TSPEAR: variants seen among roughly 807,000 people sequenced by gnomAD.
TSPEAR encodes thrombospondin type laminin G domain and EAR repeats, also known as thrombospondin-type laminin G domain and EAR repeat-containing protein.
Under a neutral mutation model 71.6 loss-of-function variants are expected in TSPEAR, and 69 were observed. The ratio of observed to expected loss-of-function variants is 0.96; its 90% CI spans 0.79 to 1.18. The LOEUF (loss-of-function observed/expected upper bound fraction) is 1.18. Among genes scored for constraint, TSPEAR ranks in the 50% most tolerant of loss-of-function variants. The probability of loss-of-function intolerance (pLI) is 0.00; values close to 1 mark genes in which losing one functional copy is unlikely to be tolerated. For missense variants in TSPEAR, 971 were observed against 894.9 expected, an observed-to-expected ratio of 1.09 and a Z score of -1.09; for synonymous variants, 402 against 387.2, an observed-to-expected ratio of 1.04 and a Z score of -0.45.
intron 2 of TSPEAR, chr21:44,539,160 G>A (rs1438696484): frequency 1.7e-5 from 24 of 1,388,412 alleles, no homozygotes; most frequent in Non-Finnish European, 2.3e-5. Context: ...TGGGAGCAAG[G>A]AGGGGGGGTC....
intron 2 of TSPEAR, chr21:44,540,030 G>A (rs112631451): frequency 6.2e-7 from 1 of 1,613,038 alleles, no homozygotes; most frequent in Admixed American, 1.7e-5. Context: ...GTCAGGCAGG[G>A]GGCCGGGGCG....
chr21:44,517,372 A>G (rs587628141), intron 9 of TSPEAR: 3 of 178,914 alleles, frequency 1.7e-5, no homozygotes, highest in Middle Eastern at 2.3e-3. Context: ...GGGTCATATG[A>G]CCAGCACTAG....
chr21:44,680,524 C>T (rs1225677385), intron 1 of TSPEAR, among the ~76,000 whole-genome samples: 1 of 152,120 alleles, frequency 6.6e-6, no homozygotes, highest in Non-Finnish European at 1.5e-5. Context: ...CCATACTATC[C>T]AGCAATCCTG....
At chr21:44,578,201 A>C (rs782632663) in intron 1 of TSPEAR, among the ~76,000 whole-genome samples, 3 of 152,372 alleles carry the variant, frequency 2.0e-5, no homozygotes, top group African/African-American at 7.2e-5. Context: ...GAATGAATAA[A>C]AGGTTGCCAC....
intron 1 of TSPEAR, among the ~76,000 whole-genome samples, chr21:44,599,569 C>A (rs587722336): frequency 5.4e-4 from 83 of 152,358 alleles, no homozygotes; most frequent in African/African-American, 1.9e-3. Context: ...GGGTTACTAC[C>A]CCTTCACTTT....
intron 1 of TSPEAR, among the ~76,000 whole-genome samples, chr21:44,708,128 G>A (rs1988036051): frequency 6.6e-6 from 1 of 152,100 alleles, no homozygotes; most frequent in African/African-American, 2.4e-5. Flanking sequence ...TGTGCGCTGG[G>A]GGTAACCCGT....
chr21:44,588,657 A>C lies in TSPEAR; in HGVS notation c.83-20652T>G, dbSNP rs1273035181. Among the ~76,000 whole-genome samples the C allele has an allele frequency of 2.7e-5, 4 of 148,512 alleles. No individual in the cohort carries two copies. In the East Asian group the frequency reaches 5.8e-4, roughly 22 times the overall value. ...CCCATCAATCAACGAGTGGATAAAG[A>C]AACTTTTATATATATAATATATATA... On this transcript the variant is annotated intron_variant, in intron 1 of 11. Transcript: ENST00000323084.
intron 2 of TSPEAR, chr21:44,550,844 A>G (rs782680936): frequency 2.4e-4 from 368 of 1,524,344 alleles, no homozygotes; most frequent in Non-Finnish European, 3.0e-4. Flanking sequence ...ACGGAGAGGA[A>G]GCCCCAGAGC....
chr21:44,531,677 G>A (rs1555915784), intron 3 of TSPEAR, among the ~76,000 whole-genome samples: 1 of 152,146 alleles, frequency 6.6e-6, no homozygotes, highest in African/African-American at 2.4e-5. Context: ...CAGTGGCTTC[G>A]ACCTGCACAG....
At chr21:44,699,629 G>A (rs8133918) in intron 1 of TSPEAR, among the ~76,000 whole-genome samples, 41,731 of 151,942 alleles carry the variant, frequency 0.27, 6,564 homozygotes, top group African/African-American at 0.43. Context: ...CCCCTGCTGC[G>A]CCTGGCCCTG....
At chr21:44,699,679 A>T (rs1987558506) in intron 1 of TSPEAR, among the ~76,000 whole-genome samples, 1 of 151,984 alleles carries the variant, frequency 6.6e-6, no homozygotes, top group South Asian at 2.1e-4. Flanking sequence ...CGTCTGTCTC[A>T]GCTCCTGCAC....
In TSPEAR at chr21:44,523,297, G is replaced by A. The variant is rs587626749; in HGVS notation, c.1337-1185C>T. Among the ~76,000 whole-genome samples, 5 of 151,384 alleles carry A rather than the reference G, an allele frequency of 3.3e-5. No homozygotes were observed. In the East Asian group the frequency reaches 1.0e-3, roughly 30 times the overall value. ...AATTAGTCAGTGAGGTATTCAGTCA[G>A]TCAGTCAGTTTGTCAGTCAGTCAGG... On this transcript the variant is annotated intron_variant, in intron 8 of 11. Transcript: ENST00000323084.
At chr21:44,598,300 G>T (rs1980505762) in intron 1 of TSPEAR, among the ~76,000 whole-genome samples, 1 of 152,174 alleles carries the variant, frequency 6.6e-6, no homozygotes, top group Admixed American at 6.5e-5. Context: ...AGTTTAAATT[G>T]TGCGGCGCAA....
intron 1 of TSPEAR, among the ~76,000 whole-genome samples, chr21:44,670,177 G>A (rs2146280484): frequency 6.6e-6 from 1 of 152,282 alleles, no homozygotes; most frequent in African/African-American, 2.4e-5. Flanking sequence ...TCCCAACAGT[G>A]GCTGCCCCAA....
chr21:44,591,929 A>G (rs1555926728), intron 1 of TSPEAR: 3 of 1,609,152 alleles, frequency 1.9e-6, no homozygotes, highest in Admixed American at 1.7e-5. Flanking sequence ...GCCTGGCAGC[A>G]GGGGCTGGAC....
At chr21:44,562,335 CACAA>C (rs1222008278) in intron 2 of TSPEAR, among the ~76,000 whole-genome samples, 1 of 152,062 alleles carries the variant, frequency 6.6e-6, no homozygotes, top group African/African-American at 2.4e-5. Context: ...TAAGAGAGGA[CACAA>C]ACAAATGGAA....
At position 44,672,277 on chromosome 21, in the gene TSPEAR, T is replaced by C. The variant is rs892054058; in HGVS notation, c.82+39156A>G. Among the ~76,000 whole-genome samples, 3 of 152,220 alleles carry C rather than the reference T, an allele frequency of 2.0e-5. No homozygotes were observed. In the South Asian group the frequency reaches 6.2e-4, roughly 31 times the overall value. Reference sequence around the variant, plus strand: ...GAAGCCCAAAGGCATAGAAAGCCTATTTAGCAAAATAGGCCAGGCACAGTG... The same window carrying C: ...GAAGCCCAAAGGCATAGAAAGCCTACTTAGCAAAATAGGCCAGGCACAGTG... On this transcript the variant is annotated intron_variant, in intron 1 of 11. Transcript: ENST00000323084.
chr21:44,578,267 G>A (rs995609553), intron 1 of TSPEAR, among the ~76,000 whole-genome samples: 18 of 152,160 alleles, frequency 1.2e-4, no homozygotes, highest in African/African-American at 4.3e-4. Flanking sequence ...ACAACTCTAT[G>A]TCAATACATT....
intron 2 of TSPEAR, among the ~76,000 whole-genome samples, chr21:44,541,531 G>A (rs1195452467): frequency 1.3e-5 from 2 of 152,204 alleles, no homozygotes; most frequent in African/African-American, 4.8e-5. Flanking sequence ...GCACAGAAGT[G>A]AGTCCAATAT....
Sources: gnomAD v4.1 joint callset for allele counts (sites outside exome capture counted in the v4.1 genomes callset) on GRCh38, gnomAD v4.1.1 for gene constraint, MANE v1.5 for transcripts, NCBI Gene and HGNC (gene_info 2026-07-23, HGNC 2026-07-21) for gene names.